The following LSAMP variants were observed in gnomAD, a reference collection of about 807,000 sequenced individuals.
LSAMP encodes the protein limbic system associated membrane protein.
In LSAMP, 7 loss-of-function variants were observed where a neutral mutation model predicts 38.6. That is an observed-to-expected ratio of 0.18 (90% CI 0.10 to 0.34). The LOEUF (loss-of-function observed/expected upper bound fraction) is 0.34. Among genes scored for constraint, LSAMP ranks in the 10% least tolerant of loss-of-function variants. The probability of loss-of-function intolerance (pLI) is 1.00; values close to 1 mark genes in which losing one functional copy is unlikely to be tolerated. For synonymous variants in LSAMP, 154 were observed against 166.8 expected, an observed-to-expected ratio of 0.92 and a Z score of 0.59; for missense variants, 313 against 420.0, an observed-to-expected ratio of 0.75 and a Z score of 2.23.
At chr3:116,144,396 G>A (rs557848014) in intron 1 of LSAMP, among the ~76,000 whole-genome samples, 1 of 151,910 alleles carries the variant, frequency 6.6e-6, no homozygotes, top group Admixed American at 6.6e-5. Context: ...GGTGGTGCAT[G>A]CCAAAGGTCC....
intron 1 of LSAMP, among the ~76,000 whole-genome samples, chr3:116,387,561 G>T (rs994335177): frequency 1.3e-5 from 2 of 152,078 alleles, no homozygotes; most frequent in Non-Finnish European, 2.9e-5. Flanking sequence ...TAGTCCAAAG[G>T]TTCCGTACAC....
intron 3 of LSAMP, among the ~76,000 whole-genome samples, chr3:115,926,453 A>G (rs764768354): frequency 1.3e-5 from 2 of 152,220 alleles, no homozygotes; most frequent in African/African-American, 2.4e-5. Context: ...GCTCACCAAT[A>G]AAGTGTCATG....
intron 1 of LSAMP, among the ~76,000 whole-genome samples, chr3:116,131,459 CT>C (rs1709131946): frequency 6.6e-6 from 1 of 152,056 alleles, no homozygotes; most frequent in South Asian, 2.1e-4. Context: ...TGGTTTGAGA[CT>C]TTTACTGTCT....
chr3:116,099,296 T>C (rs917472564), intron 1 of LSAMP, among the ~76,000 whole-genome samples: 1 of 152,176 alleles, frequency 6.6e-6, no homozygotes, highest in African/African-American at 2.4e-5. Context: ...TTTGAAATTA[T>C]GTTAAAGAAG....
intron 3 of LSAMP, among the ~76,000 whole-genome samples, chr3:115,993,646 T>C (rs1268152294): frequency 6.6e-6 from 1 of 152,098 alleles, no homozygotes; most frequent in Non-Finnish European, 1.5e-5. Context: ...GACTTGAACA[T>C]ACATATTTTA....
intron 1 of LSAMP, among the ~76,000 whole-genome samples, chr3:116,276,048 CA>C (rs2107676278): frequency 6.6e-6 from 1 of 152,258 alleles, no homozygotes; most frequent in African/African-American, 2.4e-5. Flanking sequence ...AGACTGACAC[CA>C]GGCTATGTTT....
intron 1 of LSAMP, among the ~76,000 whole-genome samples, chr3:116,149,897 C>T (rs1422808512): frequency 6.6e-6 from 1 of 151,948 alleles, no homozygotes; most frequent in Non-Finnish European, 1.5e-5. Context: ...ATATCCTTAC[C>T]CGTACCAAAA....
intron 1 of LSAMP, among the ~76,000 whole-genome samples, chr3:116,222,384 G>T (rs940701612): frequency 6.6e-6 from 1 of 151,258 alleles, no homozygotes; most frequent in Non-Finnish European, 1.5e-5. Context: ...CTACTTACTT[G>T]GTGCTCATTT....
At chr3:116,255,725 G>A (rs932250413) in intron 1 of LSAMP, among the ~76,000 whole-genome samples, 1 of 152,182 alleles carries the variant, frequency 6.6e-6, no homozygotes, top group Non-Finnish European at 1.5e-5. Flanking sequence ...AATGTAAGGA[G>A]GGGAAGGGCT....
At chr3:116,101,228 T>G (rs1416388241) in intron 1 of LSAMP, among the ~76,000 whole-genome samples, 2 of 152,166 alleles carry the variant, frequency 1.3e-5, no homozygotes, top group Non-Finnish European at 2.9e-5. Flanking sequence ...CTATTCCAAG[T>G]GGTGTTGAAA....
chr3:116,337,906 C>T (rs1393471206), intron 1 of LSAMP, among the ~76,000 whole-genome samples: 2 of 151,910 alleles, frequency 1.3e-5, no homozygotes, highest in Non-Finnish European at 2.9e-5. Context: ...TCATTTTTCC[C>T]ATAAAGGATT....
At chr3:115,992,485 A>T (rs1390742505) in intron 3 of LSAMP, among the ~76,000 whole-genome samples, 1 of 152,076 alleles carries the variant, frequency 6.6e-6, no homozygotes, top group Non-Finnish European at 1.5e-5. Flanking sequence ...CTCTTCTATT[A>T]TCGGGGTTAA....
chr3:115,841,155 T>C (rs1934984244), intron 6 of LSAMP, among the ~76,000 whole-genome samples: 1 of 152,230 alleles, frequency 6.6e-6, no homozygotes, highest in African/African-American at 2.4e-5. Flanking sequence ...AACATCAGTG[T>C]CTTTAGAATG....
At chr3:115,955,264 G>A (rs1938420577) in intron 3 of LSAMP, among the ~76,000 whole-genome samples, 1 of 152,074 alleles carries the variant, frequency 6.6e-6, no homozygotes, top group Non-Finnish European at 1.5e-5. Context: ...GTAACTTGTT[G>A]GTAAACCTAA....
chr3:116,039,574 G>A (rs902985584), intron 2 of LSAMP, among the ~76,000 whole-genome samples: 6 of 152,190 alleles, frequency 3.9e-5, no homozygotes, highest in Non-Finnish European at 7.4e-5. Flanking sequence ...ATTAGGGTTT[G>A]GAGGAAGAGC....
At chr3:116,233,079 G>T (rs1387269941) in intron 1 of LSAMP, among the ~76,000 whole-genome samples, 1 of 151,922 alleles carries the variant, frequency 6.6e-6, no homozygotes, top group East Asian at 1.9e-4. Context: ...TTAGAATCTT[G>T]TATTATAGAA....
At chr3:115,950,712 T>C (rs1938254041) in intron 3 of LSAMP, among the ~76,000 whole-genome samples, 1 of 137,222 alleles carries the variant, frequency 7.3e-6, no homozygotes, top group Non-Finnish European at 1.5e-5. Context: ...CAAAATACCA[T>C]CATAATTACT....
chr3:116,113,087 ACT>A lies in LSAMP; in HGVS notation c.156-26533_156-26532del, dbSNP rs537158640. ...GGCAGAGAGAAGGATGCATACACAA[ACT>A]CTGTGAGAAACAGTGAGAAGTGAAG... is the stretch of plus-strand genomic sequence containing the variant. On this transcript the variant is annotated intron_variant, in intron 1 of 6. Coordinates refer to ENST00000490035, the MANE Select transcript of LSAMP (RefSeq NM_002338.5). 1.2e-3 allele frequency among the ~76,000 whole-genome samples: 188 copies of A among 152,134 alleles called. 1 individual carries two copies. Among genetic ancestry groups the A allele is most frequent in the African/African-American group, 4.3e-3 (179 of 41,474 alleles).
intron 2 of LSAMP, among the ~76,000 whole-genome samples, chr3:116,048,221 GTATGTT>G (rs1362158196): frequency 6.6e-6 from 1 of 152,176 alleles, no homozygotes; most frequent in Non-Finnish European, 1.5e-5. Context: ...GAATGATCAT[GTATGTT>G]TCACTTCATA....
Sources: allele counts gnomAD v4.1 joint callset (sites outside exome capture counted in the v4.1 genomes callset), GRCh38; gene constraint gnomAD v4.1.1; transcripts MANE v1.5; gene names NCBI Gene and HGNC (gene_info 2026-07-23, HGNC 2026-07-21).